NDUFS1: variants seen among roughly 807,000 people sequenced by gnomAD.
NDUFS1 encodes the protein NADH:ubiquinone oxidoreductase core subunit S1, also known as NADH-ubiquinone oxidoreductase 75 kDa subunit, mitochondrial.
NDUFS1 carries 61 observed loss-of-function variants against 84.4 expected under a neutral mutation model. The ratio of observed to expected loss-of-function variants is 0.72; its 90% CI spans 0.59 to 0.89. NDUFS1 has a LOEUF of 0.89. Ranked by LOEUF, NDUFS1 falls within the 40% of genes least tolerant of loss-of-function variation. The probability of loss-of-function intolerance (pLI) is 0.00; values close to 1 mark genes in which losing one functional copy is unlikely to be tolerated. For missense variants in NDUFS1, 891 were observed against 890.0 expected (o/e 1.00, Z -0.01); for synonymous variants, 275 against 290.0 (o/e 0.95, Z 0.53).
At chr2:206,128,523 A>G (rs970011028) in intron 15 of NDUFS1, among the ~76,000 whole-genome samples, 1 of 151,212 alleles carries the variant, frequency 6.6e-6, no homozygotes, top group Admixed American at 6.6e-5. Context: ...CATGCCTGTG[A>G]TCCCAGCACT....
chr2:206,128,398 C>T (rs1691376950), intron 15 of NDUFS1, among the ~76,000 whole-genome samples: 1 of 151,506 alleles, frequency 6.6e-6, no homozygotes, highest in Non-Finnish European at 1.5e-5. Flanking sequence ...GATCTCCTGA[C>T]CTTGTGATCC....
At chr2:206,149,159 A>G (rs775771856) in intron 4 of NDUFS1, 63 bp from the exon 5 acceptor site, 36 of 1,173,876 alleles carry the variant, frequency 3.1e-5, no homozygotes, top group Non-Finnish European at 4.3e-5. Context: ...AAGCAACTCA[A>G]TATATAAAAA....
At chr2:206,135,958 G>A (rs1447553003) in intron 13 of NDUFS1, among the ~76,000 whole-genome samples, 1 of 151,880 alleles carries the variant, frequency 6.6e-6, no homozygotes, top group African/African-American at 2.4e-5. Flanking sequence ...TCACATGTGA[G>A]CAAGCAAATG....
At chr2:206,147,688 C>T (rs746034563) in intron 6 of NDUFS1, 27 bp from the exon 7 acceptor site, 2 of 1,614,094 alleles carry the variant, frequency 1.2e-6, no homozygotes, top group Non-Finnish European at 8.5e-7. Context: ...AAGAGTCAAT[C>T]TCATGCTGCT....
At chr2:206,150,908 T>G (rs570568698) in intron 3 of NDUFS1, among the ~76,000 whole-genome samples, 1 of 149,690 alleles carries the variant, frequency 6.7e-6, no homozygotes, top group African/African-American at 2.4e-5. Context: ...TTCTTTTGTG[T>G]TTTTTTTTTC....
chr2:206,143,280 C>G (rs1692033651), intron 10 of NDUFS1, among the ~76,000 whole-genome samples: 1 of 152,048 alleles, frequency 6.6e-6, no homozygotes, highest in Admixed American at 6.6e-5. Flanking sequence ...AAAAGTTGTA[C>G]AACAATTATT....
intron 13 of NDUFS1, among the ~76,000 whole-genome samples, chr2:206,136,002 CTT>C (rs1201367985): frequency 6.6e-6 from 1 of 151,316 alleles, no homozygotes; most frequent in African/African-American, 2.4e-5. Flanking sequence ...GGCAGGCTCT[CTT>C]TGATGATATG....
At chr2:206,141,725 G>A (rs1405037087) in intron 12 of NDUFS1, among the ~76,000 whole-genome samples, 2 of 148,670 alleles carry the variant, frequency 1.3e-5, no homozygotes, top group South Asian at 2.1e-4. Flanking sequence ...ACCCCATCTC[G>A]AGGCGGAGCT....
At chr2:206,126,632 C>G in intron 17 of NDUFS1, 21 bp from the exon 18 acceptor site, 1 of 1,614,008 alleles carries the variant, frequency 6.2e-7, no homozygotes, top group Non-Finnish European at 8.5e-7. Context: ...AAGAAGAGAT[C>G]AACAATAATA....
intron 13 of NDUFS1, among the ~76,000 whole-genome samples, chr2:206,136,366 A>G (rs1159961701): frequency 1.3e-5 from 2 of 149,740 alleles, no homozygotes; most frequent in Admixed American, 6.7e-5. Context: ...TCAGCTTTCA[A>G]TGTGCCTACC....
intron 18 of NDUFS1, among the ~76,000 whole-genome samples, chr2:206,125,290 C>T (rs1245465271): frequency 2.6e-5 from 4 of 151,988 alleles, no homozygotes; most frequent in Admixed American, 6.6e-5. Context: ...GGCGAAACCC[C>T]ATCTCTACAA....
chr2:206,131,333 A>C (rs2105950279), intron 14 of NDUFS1, among the ~76,000 whole-genome samples: 1 of 152,316 alleles, frequency 6.6e-6, no homozygotes, highest in African/African-American at 2.4e-5. Context: ...AAAATGGCTA[A>C]AAAAATTTAT....
intron 10 of NDUFS1, among the ~76,000 whole-genome samples, chr2:206,143,769 T>A (rs1230063538): frequency 6.6e-6 from 1 of 152,188 alleles, no homozygotes; most frequent in Non-Finnish European, 1.5e-5. Flanking sequence ...ATATAATAAT[T>A]GCTGAATTGT....
intron 10 of NDUFS1, 73 bp from the exon 11 acceptor site, chr2:206,142,904 T>C: frequency 6.4e-7 from 1 of 1,572,890 alleles, no homozygotes; most frequent in Non-Finnish European, 8.7e-7. Flanking sequence ...GTTCAGAAAA[T>C]AAAACAGTAC....
chr2:206,136,219 ATT>A (rs79486494), intron 13 of NDUFS1, among the ~76,000 whole-genome samples: 2 of 138,972 alleles, frequency 1.4e-5, no homozygotes, highest in African/African-American at 2.6e-5. Context: ...TAATTTTTGT[ATT>A]TTTTTTTTTT....
chr2:206,123,201 A>G lies in NDUFS1; in HGVS notation c.*984T>C, dbSNP rs1691155262. ...TGTTTTGTCTCCTATTGCTGAAATA[A>G]TTTAGTTGATTTAACACTACAGATG... On this transcript the variant is annotated 3_prime_UTR_variant, in exon 19 of 19. Coordinates refer to ENST00000233190, the MANE Select transcript of NDUFS1 (RefSeq NM_005006.7). 1 of 152,016 alleles carries G rather than the reference A, an allele frequency of 6.6e-6. No homozygotes were observed. The highest frequency in any genetic ancestry group is 1.5e-5 in the Non-Finnish European group (1 of 68,006). The allele number at this position is 152,016 out of a possible 1,614,324, so 9.4% of individuals were successfully genotyped here.
At position 206,144,045 on chromosome 2, in the gene NDUFS1, C is replaced by T. The variant is rs2105969995; in HGVS notation, c.960G>A (p.Glu320=). The T allele has an allele frequency of 4.3e-6, 7 of 1,613,554 alleles. No individual in the cohort carries two copies. In the East Asian group the frequency reaches 6.7e-5, roughly 15 times the overall value. The change falls in exon 10 of 19, where the codon GAG becomes GAA. Residue 320 remains glutamate, a synonymous_variant. Transcript: ENST00000233190. ...TTCCAGCTACGCGAGAGAGCGCATC[C>T]TCCCAAGAAGTATAGGTTAAAAGCC... ...EKGLLTYTSW[E]DALSRVAGML...
At chr2:206,128,040 T>C (rs1559043112) in intron 15 of NDUFS1, 68 bp from the exon 16 acceptor site, 2 of 1,493,034 alleles carry the variant, frequency 1.3e-6, no homozygotes, top group South Asian at 2.3e-5. Flanking sequence ...TACATGAAGA[T>C]AGTATATATC....
At chr2:206,155,414 CTATT>C (rs1030408051) in intron 1 of NDUFS1, among the ~76,000 whole-genome samples, 3 of 151,172 alleles carry the variant, frequency 2.0e-5, no homozygotes, top group African/African-American at 4.9e-5. Flanking sequence ...TGTGCCCAGC[CTATT>C]TATTTATTTT....
Sources: gnomAD v4.1 joint callset for allele counts (sites outside exome capture counted in the v4.1 genomes callset) on GRCh38, gnomAD v4.1.1 for gene constraint, MANE v1.5 for transcripts, NCBI Gene and HGNC (gene_info 2026-07-23, HGNC 2026-07-21) for gene names.